ANGPT1: variants seen among roughly 807,000 people sequenced by gnomAD.
ANGPT1 encodes angiopoietin 1.
In ANGPT1, 17 loss-of-function variants were observed where a neutral mutation model predicts 62.2. The ratio of observed to expected loss-of-function variants is 0.27; its 90% confidence interval spans 0.19 to 0.41. The LOEUF is 0.41. Among genes scored for constraint, ANGPT1 ranks in the 10% least tolerant of loss-of-function variants. The pLI, the probability that ANGPT1 is intolerant of heterozygous loss-of-function variation, is 1.00. For synonymous variants in ANGPT1, 199 were observed against 198.9 expected (o/e 1.00, Z 0.00); for missense variants, 478 against 594.9 (o/e 0.80, Z 2.04).
intron 5 of ANGPT1, among the ~76,000 whole-genome samples, chr8:107,302,900 G>A (rs1166387201): frequency 6.6e-6 from 1 of 151,854 alleles, no homozygotes; most frequent in Non-Finnish European, 1.5e-5. Flanking sequence ...GGATTGTTGG[G>A]TCTTTGGAAG....
intron 1 of ANGPT1, among the ~76,000 whole-genome samples, chr8:107,437,844 A>T (rs1811370145): frequency 6.6e-6 from 1 of 152,090 alleles, no homozygotes; most frequent in African/African-American, 2.4e-5. Context: ...GAAAAAAAAA[A>T]CTTTAGTGAA....
chr8:107,294,264 C>A (rs1439151850), intron 5 of ANGPT1: 1 of 365,432 alleles, frequency 2.7e-6, no homozygotes, highest in Non-Finnish European at 4.9e-6. Flanking sequence ...ATTACATGCA[C>A]AAATTTTAGT....
At chr8:107,382,173 T>C (rs1353173792) in intron 1 of ANGPT1, among the ~76,000 whole-genome samples, 1 of 152,172 alleles carries the variant, frequency 6.6e-6, no homozygotes, top group Non-Finnish European at 1.5e-5. Flanking sequence ...ACTTAATTAT[T>C]AAAGAGTAAT....
At chr8:107,262,601 G>A (rs1813519262) in intron 8 of ANGPT1, among the ~76,000 whole-genome samples, 1 of 152,206 alleles carries the variant, frequency 6.6e-6, no homozygotes, top group Admixed American at 6.5e-5. Context: ...GTAACGTAGT[G>A]TTGGGAAAGG....
Position 107,484,321 on chromosome 8 carries a change from C to T in ANGPT1, c.297+12941G>A, listed in dbSNP as rs539010731. Among the ~76,000 whole-genome samples the T allele has an allele frequency of 5.3e-5, 8 of 152,238 alleles. No homozygotes were observed. In the East Asian group the frequency reaches 1.5e-3, roughly 29 times the overall value. ...TGTAAAGTGGGTTTGATAATACCTGCTATGTATTAAAATATTTGTTTGGGT... is the reference window on the plus strand; with the variant it reads ...TGTAAAGTGGGTTTGATAATACCTGTTATGTATTAAAATATTTGTTTGGGT... On this transcript the variant is annotated intron_variant, in intron 1 of 8. Coordinates refer to ENST00000517746, the MANE Select transcript of ANGPT1 (RefSeq NM_001146.5).
intron 1 of ANGPT1, among the ~76,000 whole-genome samples, chr8:107,410,525 A>G (rs1272450221): frequency 1.3e-5 from 2 of 152,160 alleles, no homozygotes; most frequent in African/African-American, 4.8e-5. Flanking sequence ...GCAGCTAGAC[A>G]CTAATTGTTT....
intron 1 of ANGPT1, among the ~76,000 whole-genome samples, chr8:107,447,050 A>G (rs1248706452): frequency 2.6e-5 from 4 of 152,172 alleles, no homozygotes; most frequent in Admixed American, 6.6e-5. Context: ...CAACGCCTCA[A>G]GAAATCCTGT....
At chr8:107,366,155 T>C (rs1278738767) in intron 1 of ANGPT1, among the ~76,000 whole-genome samples, 2 of 152,208 alleles carry the variant, frequency 1.3e-5, no homozygotes, top group East Asian at 3.8e-4. Flanking sequence ...TGCCCAGTAA[T>C]GTGCTAAATA....
intron 1 of ANGPT1, 81 bp downstream of exon 1, chr8:107,497,181 T>C (rs1813125796): frequency 6.9e-7 from 1 of 1,450,934 alleles, no homozygotes; most frequent in South Asian, 1.3e-5. Context: ...ACACAAATGC[T>C]CCCCTAAGGA....
At chr8:107,410,582 T>G (rs1363926585) in intron 1 of ANGPT1, among the ~76,000 whole-genome samples, 2 of 152,104 alleles carry the variant, frequency 1.3e-5, no homozygotes, top group Non-Finnish European at 2.9e-5. Flanking sequence ...ATTTCTGACC[T>G]CTGAAATCAC....
At chr8:107,310,691 T>C (rs948686248) in intron 4 of ANGPT1, among the ~76,000 whole-genome samples, 1 of 152,122 alleles carries the variant, frequency 6.6e-6, no homozygotes, top group Non-Finnish European at 1.5e-5. Context: ...CAGCCCACAA[T>C]GTCAAGAGCT....
At chr8:107,344,429 G>C (rs897057020) in intron 2 of ANGPT1, among the ~76,000 whole-genome samples, 1 of 152,174 alleles carries the variant, frequency 6.6e-6, no homozygotes, top group Admixed American at 6.5e-5. Context: ...AAAAGGCATG[G>C]TGGTGGTTTC....
rs562334420 is a variant in ANGPT1 at position 107,348,220 on chromosome 8, G to C, written c.298-1123C>G. ...TGACAAGTCGTGCTTCACAAGCCGGGTTCCAAATCATTAACAGCTATGTGA... is the reference window on the plus strand; with the variant it reads ...TGACAAGTCGTGCTTCACAAGCCGGCTTCCAAATCATTAACAGCTATGTGA... On this transcript the variant is annotated intron_variant, in intron 1 of 8. Transcript: ENST00000517746. Among the ~76,000 whole-genome samples the C allele has an allele frequency of 1.8e-4, 28 of 152,248 alleles. No homozygotes were observed. The South Asian group carries it at 5.6e-3, about 30-fold the overall frequency.
At chr8:107,300,012 T>G (rs112010942) in intron 5 of ANGPT1, among the ~76,000 whole-genome samples, 3 of 134,146 alleles carry the variant, frequency 2.2e-5, no homozygotes, top group African/African-American at 8.2e-5. Flanking sequence ...TATCTAGATA[T>G]CTAGATATGT....
chr8:107,255,145 G>A (rs1410237064), intron 8 of ANGPT1, among the ~76,000 whole-genome samples: 1 of 151,672 alleles, frequency 6.6e-6, no homozygotes. Flanking sequence ...GATGATAGCC[G>A]TTAAACTAAG....
rs576588025 is a variant in ANGPT1, at chr8:107,442,161, C to T, written c.297+55101G>A. 7.9e-5 allele frequency among the ~76,000 whole-genome samples: 12 copies of T among 152,220 alleles called. No individual in the cohort carries two copies. The South Asian group carries it at 2.3e-3, about 29-fold the overall frequency. ...TAGCTGGAAGTCAAGGAGAATTGAA[C>T]GTGTATTTAAACATTTGCATGTTTC... On this transcript the variant is annotated intron_variant, in intron 1 of 8. Transcript: ENST00000517746.
At chr8:107,473,893 C>A (rs1262538893) in intron 1 of ANGPT1, among the ~76,000 whole-genome samples, 1 of 151,690 alleles carries the variant, frequency 6.6e-6, no homozygotes, top group Non-Finnish European at 1.5e-5. Context: ...GAATGTGAGA[C>A]AAATGAAACT....
intron 1 of ANGPT1, among the ~76,000 whole-genome samples, chr8:107,443,637 C>A (rs1371651671): frequency 6.9e-6 from 1 of 145,700 alleles, no homozygotes; most frequent in African/African-American, 2.5e-5. Context: ...GGAGAAATCC[C>A]GTCTCTACTA....
chr8:107,473,820 T>C (rs1369960949), intron 1 of ANGPT1, among the ~76,000 whole-genome samples: 1 of 152,012 alleles, frequency 6.6e-6, no homozygotes, highest in Non-Finnish European at 1.5e-5. Flanking sequence ...TTAACTCAAG[T>C]CCTGAACATT....
Sources: allele counts gnomAD v4.1 joint callset (sites outside exome capture counted in the v4.1 genomes callset), GRCh38; gene constraint gnomAD v4.1.1; transcripts MANE v1.5; gene names NCBI Gene and HGNC (gene_info 2026-07-23, HGNC 2026-07-21).